The following CHD1 variants were observed in gnomAD, a reference collection of about 807,000 sequenced individuals.
CHD1 encodes ATP-dependent chromatin remodeler CHD1.
CHD1 carries 36 observed loss-of-function variants against 224.2 expected under a neutral mutation model. The ratio of observed to expected loss-of-function variants is 0.16; its 90% confidence interval spans 0.12 to 0.21. CHD1 has a LOEUF of 0.21. CHD1 is among the 10% of genes least tolerant of loss of function. CHD1 has a pLI of 1.00. For synonymous variants in CHD1, 668 were observed against 658.3 expected (o/e 1.01, Z -0.23); for missense variants, 1,378 against 1,994.8 (o/e 0.69, Z 5.89).
chr5:98,911,146 A>AAAAAAATAT (rs1491111295), intron 2 of CHD1, among the ~76,000 whole-genome samples: 2 of 39,142 alleles, frequency 5.1e-5, no homozygotes, highest in African/African-American at 2.4e-4. Context: ...AAAAAAAAAA[A>AAAAAAATAT]ATATATATAT....
At position 98,881,276 on chromosome 5, in the gene CHD1, T is replaced by A. The variant is rs760755215; in HGVS notation, c.2964+3A>T. On this transcript the variant is annotated splice_donor_region_variant and intron_variant, in intron 21 of 35. Coordinates refer to ENST00000614616, the MANE Select transcript of CHD1 (RefSeq NM_001270.4). ...CCTTTTTTTTTTTTTTTTTTTTTTT[T>A]ACCTGGGGCTCTTGTTCTTCTCCTT... The A allele has an allele frequency of 1.1e-3, 1,346 of 1,213,636 alleles. 17 individuals carry two copies. The African/African-American group carries it at 0.018, about 17-fold the overall frequency. The allele number at this position is 1,213,636 out of a possible 1,614,324, so 75.2% of individuals were successfully genotyped here.
Position 98,907,922 on chromosome 5 carries a change from T to C in CHD1, c.54-2824A>G, listed in dbSNP as rs544439111. Among the ~76,000 whole-genome samples, 4 of 152,164 alleles carry C rather than the reference T, an allele frequency of 2.6e-5. No individual in the cohort carries two copies. The South Asian group carries it at 6.2e-4, about 24-fold the overall frequency. Reference sequence around the variant, plus strand: ...TTTAAAAATGAAAGAAAAATATACATGGGGCCAGAAAAAAAATTAGACTTA... The same window carrying C: ...TTTAAAAATGAAAGAAAAATATACACGGGGCCAGAAAAAAAATTAGACTTA... On this transcript the variant is annotated intron_variant, in intron 2 of 35. Coordinates refer to ENST00000614616, the MANE Select transcript of CHD1 (RefSeq NM_001270.4).
At chr5:98,913,865 TGGA>T (rs1561542663) in intron 2 of CHD1, among the ~76,000 whole-genome samples, 1 of 152,070 alleles carries the variant, frequency 6.6e-6, no homozygotes, top group African/African-American at 2.4e-5. Flanking sequence ...CGAATATATA[TGGA>T]GAACTGAAAG....
Position 98,882,363 on chromosome 5 carries a change from A to AT in CHD1, c.2719-241dup, listed in dbSNP as rs570146372. Among the ~76,000 whole-genome samples the AT allele has an allele frequency of 1.1e-4, 15 of 142,804 alleles. No homozygotes were observed. The East Asian group carries it at 1.4e-3, about 14-fold the overall frequency. 93.7% of individuals were successfully genotyped at this position (142,804 alleles called of 152,430 possible). ...TTTGATAAGGAGATTGCATTTGCTT[A>AT]TTTTTTTTTAAAGGAATGACAGTAA... On this transcript the variant is annotated intron_variant, in intron 19 of 35. Coordinates refer to ENST00000614616, the MANE Select transcript of CHD1 (RefSeq NM_001270.4).
At chr5:98,877,813 A>G (rs1749874951) in intron 23 of CHD1, among the ~76,000 whole-genome samples, 1 of 152,180 alleles carries the variant, frequency 6.6e-6, no homozygotes, top group African/African-American at 2.4e-5. Flanking sequence ...TTTCAGGCCA[A>G]AAGCATTATT....
chr5:98,872,194 T>A lies in CHD1; in HGVS notation c.3718A>T (p.Ile1240Phe). The A allele has an allele frequency of 1.2e-6, 2 of 1,610,564 alleles. No homozygotes were observed. The highest frequency in any genetic ancestry group is 1.7e-6 in the Non-Finnish European group (2 of 1,179,018). ...TGAGCTGCCTTTGTGTGGCATGGGA[T>A]AGTATACCTGGCATCAAAGTTAATA... ...SDPEERKQYTIPCHTKAAHFD... is the reference protein window; with the variant it reads ...SDPEERKQYTFPCHTKAAHFD... The change falls in exon 28 of 36, where the codon ATC (isoleucine) becomes TTC (phenylalanine). Residue 1240 changes from isoleucine to phenylalanine, a missense_variant. By Grantham distance (21) the Ile-to-Phe change is conservative. Coordinates refer to ENST00000614616, the MANE Select transcript of CHD1 (RefSeq NM_001270.4).
intron 2 of CHD1, among the ~76,000 whole-genome samples, chr5:98,914,715 CT>C (rs915474661): frequency 1.3e-5 from 2 of 152,140 alleles, no homozygotes; most frequent in African/African-American, 2.4e-5. Context: ...ATCAATAAAA[CT>C]TTTCACTCTT....
intron 3 of CHD1, among the ~76,000 whole-genome samples, 166 bp downstream of exon 3, chr5:98,904,731 T>A (rs1001552490): frequency 6.6e-6 from 1 of 152,260 alleles, no homozygotes; most frequent in Non-Finnish European, 1.5e-5. Context: ...CCAAGCCAAT[T>A]AGTCCACAGG....
chr5:98,928,175 C>T (rs1016857327), intron 1 of CHD1, among the ~76,000 whole-genome samples: 1 of 151,932 alleles, frequency 6.6e-6, no homozygotes, highest in African/African-American at 2.4e-5. Flanking sequence ...CCCGAGCCGC[C>T]GCCCCCTCCC....
intron 2 of CHD1, among the ~76,000 whole-genome samples, chr5:98,906,511 T>C (rs532627979): frequency 6.6e-6 from 1 of 152,334 alleles, no homozygotes; most frequent in East Asian, 1.9e-4. Flanking sequence ...CAATAAACTT[T>C]ATTGAGAACT....
intron 2 of CHD1, among the ~76,000 whole-genome samples, chr5:98,924,586 AACTGTTCCTTATT>A (rs1254932671): frequency 6.6e-6 from 1 of 152,216 alleles, no homozygotes; most frequent in Non-Finnish European, 1.5e-5. Flanking sequence ...TGCTTTCCAT[AACTGTTCCTTATT>A]TTATTCTCTA....
intron 35 of CHD1, among the ~76,000 whole-genome samples, chr5:98,857,518 T>TGA: frequency 1.3e-5 from 2 of 152,112 alleles, no homozygotes; most frequent in Non-Finnish European, 2.9e-5. Flanking sequence ...AGATGTCTTC[T>TGA]AATTTGTTTC....
intron 2 of CHD1, among the ~76,000 whole-genome samples, chr5:98,909,978 T>C (rs903744337): frequency 6.6e-6 from 1 of 152,156 alleles, no homozygotes; most frequent in Non-Finnish European, 1.5e-5. Flanking sequence ...TGCGTATTTC[T>C]TGCCTGAGGC....
chr5:98,868,868 A>C, intron 30 of CHD1: 1 of 488,528 alleles, frequency 2.0e-6, no homozygotes, highest in Non-Finnish European at 3.1e-6. Context: ...GTTCAGACCT[A>C]CTATTCTCCT....
chr5:98,858,038 TAATTA>T (rs1748172118), intron 35 of CHD1, 137 bp downstream of exon 35: 1 of 581,110 alleles, frequency 1.7e-6, no homozygotes, highest in Admixed American at 2.9e-5. Flanking sequence ...ACATTTTTCT[TAATTA>T]TATACAACAC....
chr5:98,900,253 G>T (rs1293105409), intron 7 of CHD1, among the ~76,000 whole-genome samples: 1 of 145,568 alleles, frequency 6.9e-6, no homozygotes, highest in Non-Finnish European at 1.5e-5. Context: ...CTGCACTCCA[G>T]CCTGGACAAC....
rs1193196583 is a variant in CHD1 at position 98,911,145 on chromosome 5, AAATATATATATATAT to A, written c.54-6062_54-6048del. On this transcript the variant is annotated intron_variant, in intron 2 of 35. Transcript: ENST00000614616. ...GTGCTAAAATGAAAAAAAAAAAAAA[AAATATATATATATAT>A]ATATATATATATATATAGAGGCATG... 6.3e-5 allele frequency among the ~76,000 whole-genome samples: 6 copies of A among 95,412 alleles called. 1 individual carries two copies. Among genetic ancestry groups the A allele is most frequent in the East Asian group, 2.7e-4 (1 of 3,724 alleles). The allele number at this position is 95,412 out of a possible 152,430, so 62.6% of individuals were successfully genotyped here. A position where few individuals can be genotyped will look rare whatever the true frequency, so the allele number is the denominator to read the frequency against.
At chr5:98,864,024 A>G (rs928996293) in intron 31 of CHD1, among the ~76,000 whole-genome samples, 9 of 152,214 alleles carry the variant, frequency 5.9e-5, no homozygotes, top group Non-Finnish European at 1.5e-5. Context: ...TATAAACTGT[A>G]TTCTTCCAAA....
chr5:98,871,449 C>T (rs545116199), intron 28 of CHD1, among the ~76,000 whole-genome samples: 3 of 147,212 alleles, frequency 2.0e-5, no homozygotes, highest in African/African-American at 7.5e-5. Context: ...ACTACAATGC[C>T]GATGTTTTTT....
Sources: gnomAD v4.1 joint callset for allele counts (sites outside exome capture counted in the v4.1 genomes callset) on GRCh38, gnomAD v4.1.1 for gene constraint, MANE v1.5 for transcripts, NCBI Gene and HGNC (gene_info 2026-07-23, HGNC 2026-07-21) for gene names.